Variants in TLL1 observed in about 807,000 individuals in gnomAD.
TLL1 encodes the protein tolloid like 1.
In TLL1, 49 loss-of-function variants were observed where a neutral mutation model predicts 128.2. That is an observed-to-expected ratio of 0.38 (90% CI 0.30 to 0.48). The LOEUF is 0.48. Among genes scored for constraint, TLL1 ranks in the 20% least tolerant of loss-of-function variants. The pLI is 0.96. For missense variants in TLL1, 1,123 were observed against 1,242.0 expected, an observed-to-expected ratio of 0.90 and a Z score of 1.44; for synonymous variants, 454 against 418.8, an observed-to-expected ratio of 1.08 and a Z score of -1.03.
intron 12 of TLL1, among the ~76,000 whole-genome samples, chr4:166,044,102 A>G (rs1265941511): frequency 6.6e-6 from 1 of 152,154 alleles, no homozygotes; most frequent in Non-Finnish European, 1.5e-5. Flanking sequence ...ACTCCAGAGT[A>G]TGTTTAAATC....
At position 166,014,478 on chromosome 4, in the gene TLL1, T is replaced by C. The variant is rs935269192; in HGVS notation, c.960T>C (p.Asn320=). 1 of 1,612,454 alleles carries C rather than the reference T, an allele frequency of 6.2e-7. No individual in the cohort carries two copies. Among genetic ancestry groups the C allele is most frequent in the Non-Finnish European group, 8.5e-7 (1 of 1,178,826 alleles). The stretch of plus-strand genomic sequence containing the variant: ...CCATTCTCCCCTCCCGTGATGATAA[T>C]GGCATACGTCCTGCAATTGGTCAGC... The part of the protein sequence containing the change: ...LDTILPSRDD[N]GIRPAIGQRT... The change falls in exon 8 of 21, where the codon AAT becomes AAC. Residue 320 remains asparagine (N), a synonymous_variant. Transcript: ENST00000061240.
rs1465767049 is a variant in TLL1, at chr4:165,974,392, G to T, written c.170-14989G>T. On this transcript the variant is annotated intron_variant, in intron 1 of 20. Coordinates refer to ENST00000061240, the MANE Select transcript of TLL1 (RefSeq NM_012464.5). ...CCTGACCTCGTGATCCGCCCGCCTC[G>T]GCCTCCCAAAGTGCTGGGATTACAG... 3.1e-5 allele frequency among the ~76,000 whole-genome samples: 4 copies of T among 130,382 alleles called. 1 individual carries two copies. Among genetic ancestry groups the T allele is most frequent in the African/African-American group, 1.8e-4 (4 of 21,762 alleles). 85.5% of individuals were successfully genotyped at this position (130,382 alleles called of 152,430 possible).
intron 12 of TLL1, among the ~76,000 whole-genome samples, chr4:166,053,680 T>C (rs1008338793): frequency 1.3e-5 from 2 of 152,222 alleles, no homozygotes; most frequent in Non-Finnish European, 2.9e-5. Flanking sequence ...GGCAGTTTCA[T>C]GCGTTCAAGT....
chr4:166,023,030 T>C (rs966771641), intron 8 of TLL1, among the ~76,000 whole-genome samples: 1 of 152,240 alleles, frequency 6.6e-6, no homozygotes, highest in Non-Finnish European at 1.5e-5. Context: ...ATAGCCATTT[T>C]ACAGAAAACT....
chr4:165,922,677 A>G (rs545090442), intron 1 of TLL1, among the ~76,000 whole-genome samples: 1 of 152,204 alleles, frequency 6.6e-6, no homozygotes, highest in Non-Finnish European at 1.5e-5. Context: ...TGAATTCTCA[A>G]ATTTTCTCTA....
At position 166,054,996 on chromosome 4, in the gene TLL1, G is replaced by A. The variant is rs186834881; in HGVS notation, c.1525-80G>A. On this transcript the variant is annotated intron_variant, in intron 12 of 20. Coordinates refer to ENST00000061240, the MANE Select transcript of TLL1 (RefSeq NM_012464.5). ...TTTATATTAACAAATCAGAAGTATG[G>A]CACTGAGAAGACATCTATCCTCCTA... is the stretch of plus-strand genomic sequence containing the variant. 1.2e-4 allele frequency: 136 copies of A among 1,141,968 alleles called. No homozygotes were observed. The East Asian group carries it at 1.9e-3, about 16-fold the overall frequency. The allele number at this position is 1,141,968 out of a possible 1,614,324, so 70.7% of individuals were successfully genotyped here. A position where few individuals can be genotyped will look rare whatever the true frequency, so the allele number is the denominator to read the frequency against.
intron 18 of TLL1, among the ~76,000 whole-genome samples, chr4:166,087,230 A>G (rs1166134392): frequency 6.6e-6 from 1 of 152,154 alleles, no homozygotes; most frequent in African/African-American, 2.4e-5. Context: ...CATATCCTTG[A>G]GTTTTGGAGT....
intron 12 of TLL1, among the ~76,000 whole-genome samples, chr4:166,052,965 G>GTGTGTGTGTGTGTGTGTA: frequency 1.0e-5 from 1 of 99,646 alleles, no homozygotes; most frequent in African/African-American, 3.8e-5. Flanking sequence ...GAGGTTATGT[G>GTGTGTGTGTGTGTGTGTA]TATATATATA....
chr4:166,048,102 G>C (rs1047848378), intron 12 of TLL1, among the ~76,000 whole-genome samples: 20 of 152,170 alleles, frequency 1.3e-4, no homozygotes, highest in African/African-American at 3.9e-4. Flanking sequence ...TGGGCGTGGT[G>C]GTGGGCGCCC....
intron 7 of TLL1, among the ~76,000 whole-genome samples, chr4:166,012,676 C>A (rs1236607979): frequency 6.6e-6 from 1 of 151,610 alleles, no homozygotes; most frequent in Non-Finnish European, 1.5e-5. Flanking sequence ...CCTTGTAACT[C>A]ATTTCTTTTT....
chr4:165,971,351 T>C (rs1414706342), intron 1 of TLL1, among the ~76,000 whole-genome samples: 8 of 152,156 alleles, frequency 5.3e-5, no homozygotes, highest in Non-Finnish European at 1.0e-4. Flanking sequence ...TAAAAATTGA[T>C]CAAGAATATC....
At chr4:166,015,248 A>G (rs1329104626) in intron 8 of TLL1, among the ~76,000 whole-genome samples, 2 of 152,016 alleles carry the variant, frequency 1.3e-5, no homozygotes, top group Non-Finnish European at 2.9e-5. Context: ...AAACATGTTT[A>G]ACTTTGCATA....
intron 1 of TLL1, among the ~76,000 whole-genome samples, chr4:165,966,305 G>A (rs919163239): frequency 6.6e-6 from 1 of 152,070 alleles, no homozygotes; most frequent in Admixed American, 6.6e-5. Context: ...CTGGAGCAAA[G>A]GATCAAACCA....
chr4:165,987,655 C>A (rs1736449229), intron 1 of TLL1, among the ~76,000 whole-genome samples: 1 of 151,982 alleles, frequency 6.6e-6, no homozygotes, highest in Admixed American at 6.6e-5. Flanking sequence ...AAGTGATAAC[C>A]TACATTTTAC....
rs148076927 is a variant in TLL1, at chr4:166,014,309, C to CT, written c.918-125dup. ...AGTGTTTTGAAAGCCTGATACACTG[C>CT]TTAAAGCACACAAGGTGTAGTTCCC... On this transcript the variant is annotated intron_variant, in intron 7 of 20. Coordinates refer to ENST00000061240, the MANE Select transcript of TLL1 (RefSeq NM_012464.5). The CT allele has an allele frequency of 3.2e-3, 4,542 of 1,407,822 alleles. 115 individuals carry two copies. The African/African-American group carries it at 0.051, about 16-fold the overall frequency. The allele number at this position is 1,407,822 out of a possible 1,614,324, so 87.2% of individuals were successfully genotyped here.
At chr4:166,060,372 T>C (rs1238382207) in intron 15 of TLL1, among the ~76,000 whole-genome samples, 184 bp downstream of exon 15, 1 of 152,168 alleles carries the variant, frequency 6.6e-6, no homozygotes, top group African/African-American at 2.4e-5. Context: ...TTTAGACTCT[T>C]TCTGGAAGAT....
rs541756882 is a variant in TLL1 at position 166,099,510 on chromosome 4, C to G, written c.2890C>G (p.Arg964Gly). 4 of 1,612,758 alleles carry G rather than the reference C, an allele frequency of 2.5e-6. No homozygotes were observed. The South Asian group carries it at 4.4e-5, about 18-fold the overall frequency. Reference protein sequence around the residue: ...GLDSTAVGLGRFCGSGPPEEI... With the variant: ...GLDSTAVGLGGFCGSGPPEEI... ...TGATTCAACAGCTGTGGGGCTTGGT[C>G]GATTCTGTGGATCCGGGGTAAATAT... The change falls in exon 20 of 21, where the codon CGA becomes GGA. Residue 964 changes from arginine to glycine, a missense_variant. Physicochemically the swap from Arg to Gly is moderately radical, Grantham distance 125. Coordinates refer to ENST00000061240, the MANE Select transcript of TLL1 (RefSeq NM_012464.5).
intron 18 of TLL1, among the ~76,000 whole-genome samples, chr4:166,090,331 A>G (rs1193862132): frequency 6.6e-6 from 1 of 152,046 alleles, no homozygotes; most frequent in Non-Finnish European, 1.5e-5. Flanking sequence ...GGACAATATT[A>G]TTTTCAGTCC....
intron 1 of TLL1, among the ~76,000 whole-genome samples, chr4:165,904,198 G>C (rs1274870498): frequency 1.3e-5 from 2 of 152,056 alleles, no homozygotes; most frequent in Non-Finnish European, 2.9e-5. Flanking sequence ...GGAAGAACTT[G>C]CCTATGAATA....
Sources: allele counts gnomAD v4.1 joint callset (sites outside exome capture counted in the v4.1 genomes callset), GRCh38; gene constraint gnomAD v4.1.1; transcripts MANE v1.5; gene names NCBI Gene and HGNC (gene_info 2026-07-23, HGNC 2026-07-21).